The following XRCC4 variants were observed in gnomAD, a reference collection of about 807,000 sequenced individuals.
XRCC4 encodes X-ray repair cross complementing 4.
XRCC4 carries 28 observed loss-of-function variants against 39.1 expected under a neutral mutation model. The ratio of observed to expected loss-of-function variants is 0.72; its 90% CI spans 0.53 to 0.98. The LOEUF is 0.98. Among genes scored for constraint, XRCC4 ranks in the 50% least tolerant of loss-of-function variants. XRCC4 has a pLI of 0.00. For synonymous variants in XRCC4, 123 were observed against 126.4 expected, an observed-to-expected ratio of 0.97 and a Z score of 0.18; for missense variants, 350 against 376.4, an observed-to-expected ratio of 0.93 and a Z score of 0.58.
At chr5:83,328,064 A>G (rs899855010) in intron 7 of XRCC4, among the ~76,000 whole-genome samples, 3 of 152,148 alleles carry the variant, frequency 2.0e-5, no homozygotes, top group East Asian at 1.9e-4. Context: ...ACAGGTCCAC[A>G]TGGCTGGGAG....
At chr5:83,333,821 G>A (rs1368505101) in intron 7 of XRCC4, among the ~76,000 whole-genome samples, 1 of 150,422 alleles carries the variant, frequency 6.6e-6, no homozygotes, top group Non-Finnish European at 1.5e-5. Flanking sequence ...CAAGGCTGGA[G>A]TGCAGTGGCA....
chr5:83,356,708 C>A (rs1471207289), downstream of XRCC4: 1 of 454,466 alleles, frequency 2.2e-6, no homozygotes, highest in East Asian at 7.0e-5. Flanking sequence ...GTTTTCTCCT[C>A]ACATTTTTTT....
In XRCC4 at chr5:83,307,893, A is replaced by G. The variant is rs142909573; in HGVS notation, c.894-45238A>G. Among the ~76,000 whole-genome samples, 115 of 152,340 alleles carry G rather than the reference A, an allele frequency of 7.5e-4. 1 individual carries two copies. The highest frequency in any genetic ancestry group is 2.6e-3 in the African/African-American group (107 of 41,572). On this transcript the variant is annotated intron_variant, in intron 7 of 7. Transcript: ENST00000396027. ...TTCCAGACGGAAAATTCCAGATGAA[A>G]TAATCAAATAGCTTAGCGTTAACAC... is the stretch of plus-strand genomic sequence containing the variant.
intron 3 of XRCC4, among the ~76,000 whole-genome samples, chr5:83,189,220 TA>T (rs2112677178): frequency 6.6e-6 from 1 of 152,344 alleles, no homozygotes; most frequent in Non-Finnish European, 1.5e-5. Flanking sequence ...TGAATATTTA[TA>T]GCCCTTCAAT....
chr5:83,132,271 C>T (rs1747632611), intron 3 of XRCC4, among the ~76,000 whole-genome samples: 2 of 151,994 alleles, frequency 1.3e-5, no homozygotes, highest in Non-Finnish European at 2.9e-5. Context: ...GATGGGCTTC[C>T]CTTTGTGGGT....
intron 2 of XRCC4, among the ~76,000 whole-genome samples, chr5:83,105,791 A>G (rs1164971965): frequency 6.6e-6 from 1 of 152,156 alleles, no homozygotes; most frequent in Non-Finnish European, 1.5e-5. Context: ...TATGTTGTGA[A>G]TAATGTTTTC....
At chr5:83,145,020 C>G (rs532231609) in intron 3 of XRCC4, among the ~76,000 whole-genome samples, 1 of 151,994 alleles carries the variant, frequency 6.6e-6, no homozygotes, top group Non-Finnish European at 1.5e-5. Flanking sequence ...CTCAGCCTCC[C>G]GAGTAGCTGG....
intron 7 of XRCC4, among the ~76,000 whole-genome samples, chr5:83,275,074 C>G (rs1351447458): frequency 6.6e-6 from 1 of 151,938 alleles, no homozygotes; most frequent in Non-Finnish European, 1.5e-5. Flanking sequence ...AATAGAGGAC[C>G]TAGTGAAGAA....
the XRCC4 span, among the ~76,000 whole-genome samples, chr5:83,364,644 C>T: frequency 3.0e-4 from 46 of 152,194 alleles, no homozygotes; most frequent in African/African-American, 1.1e-3. Context: ...GTGGCAGCAT[C>T]CCCACTTGGG....
At chr5:83,088,356 C>A (rs1269006016) in intron 1 of XRCC4, among the ~76,000 whole-genome samples, 1 of 151,612 alleles carries the variant, frequency 6.6e-6, no homozygotes, top group Non-Finnish European at 1.5e-5. Flanking sequence ...AGTGTCATTA[C>A]TTTTTTTTTC....
chr5:83,353,005 T>G (rs1757123929), intron 7 of XRCC4, 126 bp from the exon 8 acceptor site: 1 of 717,638 alleles, frequency 1.4e-6, no homozygotes, highest in Non-Finnish European at 2.2e-6. Context: ...CATAGAGAAA[T>G]AAATCTCTAA....
chr5:83,210,790 A>G (rs1428802367), intron 6 of XRCC4, among the ~76,000 whole-genome samples: 1 of 152,198 alleles, frequency 6.6e-6, no homozygotes, highest in Non-Finnish European at 1.5e-5. Context: ...TAGAATGCAC[A>G]TATTTCTGTT....
intron 7 of XRCC4, among the ~76,000 whole-genome samples, chr5:83,266,664 A>T (rs28360242): frequency 1.8e-4 from 27 of 152,228 alleles, no homozygotes; most frequent in African/African-American, 6.5e-4. Context: ...TTTTAGTAAA[A>T]TTTTAGGACA....
At chr5:83,164,878 G>T (rs1749387029) in intron 3 of XRCC4, among the ~76,000 whole-genome samples, 1 of 152,056 alleles carries the variant, frequency 6.6e-6, no homozygotes, top group African/African-American at 2.4e-5. Context: ...ATAAGTAGTT[G>T]TAGCTGACAA....
intron 7 of XRCC4, among the ~76,000 whole-genome samples, chr5:83,300,661 A>G (rs1441056934): frequency 1.3e-5 from 2 of 148,820 alleles, no homozygotes; most frequent in Non-Finnish European, 3.0e-5. Context: ...TACATGTGCC[A>G]TGGTGGTTTG....
chr5:83,297,681 A>C (rs1413409132), intron 7 of XRCC4, among the ~76,000 whole-genome samples: 1 of 151,920 alleles, frequency 6.6e-6, no homozygotes, highest in Admixed American at 6.6e-5. Flanking sequence ...GTAAACTTAG[A>C]TATATGTGAC....
intron 3 of XRCC4, among the ~76,000 whole-genome samples, chr5:83,186,161 A>G (rs1246596903): frequency 6.6e-6 from 1 of 152,182 alleles, no homozygotes; most frequent in Admixed American, 6.5e-5. Context: ...TACTATTGGC[A>G]TATCTTTATA....
chr5:83,327,991 G>A (rs564109374), intron 7 of XRCC4, among the ~76,000 whole-genome samples: 33 of 152,134 alleles, frequency 2.2e-4, no homozygotes, highest in African/African-American at 7.5e-4. Context: ...CTATTAGTCC[G>A]TTTTCATGCT....
intron 3 of XRCC4, among the ~76,000 whole-genome samples, chr5:83,164,671 C>CAT (rs1749375459): frequency 6.6e-6 from 1 of 152,092 alleles, no homozygotes; most frequent in Admixed American, 6.6e-5. Flanking sequence ...GTATCTCAAA[C>CAT]ATGTTGTACA....
Sources: allele counts gnomAD v4.1 joint callset (sites outside exome capture counted in the v4.1 genomes callset), GRCh38; gene constraint gnomAD v4.1.1; transcripts MANE v1.5; gene names NCBI Gene and HGNC (gene_info 2026-07-23, HGNC 2026-07-21).